Variants in TMEM117 observed in about 807,000 individuals in gnomAD.
TMEM117 encodes transmembrane protein 117.
In TMEM117, 27 loss-of-function variants were observed where a neutral mutation model predicts 52.4. The observed-to-expected ratio is 0.51, with a 90% CI of 0.38 to 0.71. The LOEUF (loss-of-function observed/expected upper bound fraction) is 0.71. Among genes scored for constraint, TMEM117 ranks in the 30% least tolerant of loss-of-function variants. TMEM117 has a pLI of 0.00. For synonymous variants in TMEM117, 215 were observed against 206.3 expected (o/e 1.04, Z -0.36); for missense variants, 556 against 630.5 (o/e 0.88, Z 1.26).
At chr12:43,973,760 A>C (rs57065008) in intron 3 of TMEM117, among the ~76,000 whole-genome samples, 11,322 of 152,226 alleles carry the variant, frequency 0.074, 703 homozygotes, top group African/African-American at 0.18. Flanking sequence ...GGTTTCCCAG[A>C]TGTTATAATT....
At chr12:43,903,008 TG>T (rs1944329945) in intron 2 of TMEM117, among the ~76,000 whole-genome samples, 1 of 152,180 alleles carries the variant, frequency 6.6e-6, no homozygotes, top group Admixed American at 6.5e-5. Flanking sequence ...CATGAGGTAT[TG>T]ATGGAATTTT....
chr12:43,895,389 A>G (rs1325483947), intron 2 of TMEM117, among the ~76,000 whole-genome samples: 2 of 152,110 alleles, frequency 1.3e-5, no homozygotes, highest in Non-Finnish European at 2.9e-5. Context: ...TTCTTTATCC[A>G]GTCTATCACT....
chr12:44,038,648 T>TG (rs1421528422), intron 3 of TMEM117, among the ~76,000 whole-genome samples: 3 of 152,218 alleles, frequency 2.0e-5, no homozygotes, highest in Non-Finnish European at 4.4e-5. Context: ...AAGGTGCCCC[T>TG]GGCCACAGAG....
intron 4 of TMEM117, among the ~76,000 whole-genome samples, chr12:44,189,830 A>G (rs1005239896): frequency 6.6e-6 from 1 of 152,228 alleles, no homozygotes; most frequent in Non-Finnish European, 1.5e-5. Context: ...AAATACAAAT[A>G]CATAGTTTAA....
intron 5 of TMEM117, among the ~76,000 whole-genome samples, chr12:44,289,334 A>G (rs140128890): frequency 3.2e-4 from 48 of 151,882 alleles, no homozygotes; most frequent in African/African-American, 8.9e-4. Flanking sequence ...GCTGTTGTGA[A>G]TAATGATGAT....
intron 5 of TMEM117, chr12:44,248,482 C>G (rs909401849): frequency 3.9e-5 from 6 of 153,544 alleles, no homozygotes; most frequent in East Asian, 1.9e-4. Context: ...CCATCACTCT[C>G]TAATGAACCT....
chr12:43,889,901 A>G (rs1944071325), intron 2 of TMEM117, among the ~76,000 whole-genome samples: 1 of 152,192 alleles, frequency 6.6e-6, no homozygotes, highest in Non-Finnish European at 1.5e-5. Flanking sequence ...AGGATAAGAC[A>G]GAGGCACCAG....
At chr12:44,191,431 A>G (rs1309852717) in intron 4 of TMEM117, among the ~76,000 whole-genome samples, 1 of 152,152 alleles carries the variant, frequency 6.6e-6, no homozygotes, top group Non-Finnish European at 1.5e-5. Flanking sequence ...CTATATACAT[A>G]TAGCTGTATA....
intron 6 of TMEM117, among the ~76,000 whole-genome samples, chr12:44,353,232 C>T (rs1307803593): frequency 1.3e-5 from 2 of 151,734 alleles, no homozygotes; most frequent in Non-Finnish European, 3.0e-5. Context: ...AAAATTTTCT[C>T]CCATTCTGTA....
chr12:43,972,761 C>T (rs1238923536), intron 3 of TMEM117, among the ~76,000 whole-genome samples: 69 of 152,096 alleles, frequency 4.5e-4, no homozygotes, highest in Admixed American at 4.4e-3. Flanking sequence ...TTACAGAGCA[C>T]AGATCGGTAC....
chr12:44,382,097 A>G (rs890262558), intron 7 of TMEM117, among the ~76,000 whole-genome samples: 2 of 152,184 alleles, frequency 1.3e-5, no homozygotes, highest in Non-Finnish European at 2.9e-5. Flanking sequence ...TTACTTCTAT[A>G]TAAAGCAGCA....
At chr12:44,370,331 C>T (rs537505185) in intron 6 of TMEM117, among the ~76,000 whole-genome samples, 1 of 152,192 alleles carries the variant, frequency 6.6e-6, no homozygotes, top group Admixed American at 6.6e-5. Context: ...GTTTCACTCT[C>T]TGTATAATTC....
chr12:44,296,062 C>T (rs1050447197), intron 5 of TMEM117, among the ~76,000 whole-genome samples: 4 of 152,260 alleles, frequency 2.6e-5, no homozygotes, highest in South Asian at 2.1e-4. Context: ...AACTGGGTCA[C>T]GAGACTTTTG....
rs537906341 is a variant in TMEM117, at chr12:43,995,191, G to A, written c.410+50849G>A. Among the ~76,000 whole-genome samples the A allele has an allele frequency of 2.0e-5, 3 of 151,888 alleles. 1 individual carries two copies. The highest frequency in any genetic ancestry group is 4.4e-5 in the Non-Finnish European group (3 of 67,926). On this transcript the variant is annotated intron_variant, in intron 3 of 7. Coordinates refer to ENST00000266534, the MANE Select transcript of TMEM117 (RefSeq NM_032256.3). ...GAGGCTGAGGGAGGGGAATTGCTTGGACCCGGGAGGCGGAGCTTGCAGTGA... is the reference window on the plus strand; with the variant it reads ...GAGGCTGAGGGAGGGGAATTGCTTGAACCCGGGAGGCGGAGCTTGCAGTGA...
At chr12:44,267,879 GT>G (rs1950398162) in intron 5 of TMEM117, among the ~76,000 whole-genome samples, 1 of 152,160 alleles carries the variant, frequency 6.6e-6, no homozygotes, top group African/African-American at 2.4e-5. Flanking sequence ...TGTATGCCAT[GT>G]TTTCCTTGTC....
At chr12:44,097,632 G>A (rs1001185515) in intron 3 of TMEM117, among the ~76,000 whole-genome samples, 5 of 150,040 alleles carry the variant, frequency 3.3e-5, no homozygotes, top group Non-Finnish European at 5.9e-5. Flanking sequence ...ACCAAACACC[G>A]CATGTTCTCA....
chr12:44,310,595 A>G (rs840764), intron 6 of TMEM117, among the ~76,000 whole-genome samples: 39,345 of 152,070 alleles, frequency 0.26, 8,470 homozygotes, highest in African/African-American at 0.6. Context: ...CTGAGATTGC[A>G]CCATTGCACT....
chr12:43,859,214 G>A (rs956771095), intron 2 of TMEM117, among the ~76,000 whole-genome samples: 1 of 152,136 alleles, frequency 6.6e-6, no homozygotes, highest in Non-Finnish European at 1.5e-5. Context: ...CAACTCCAGC[G>A]GAATTCTGTT....
chr12:43,827,197 C>T, the TMEM117 span, among the ~76,000 whole-genome samples: 3 of 151,904 alleles, frequency 2.0e-5, no homozygotes, highest in Non-Finnish European at 4.4e-5. Context: ...AAAATTGTCA[C>T]CCACATCCTT....
Sources: gnomAD v4.1 joint callset for allele counts (sites outside exome capture counted in the v4.1 genomes callset) on GRCh38, gnomAD v4.1.1 for gene constraint, MANE v1.5 for transcripts, NCBI Gene and HGNC (gene_info 2026-07-23, HGNC 2026-07-21) for gene names.